Variants in FLRT1 observed in about 807,000 individuals in gnomAD.
The protein encoded by FLRT1 is leucine-rich repeat transmembrane protein FLRT1.
In FLRT1, 14 loss-of-function variants were observed where a neutral mutation model predicts 30.9. That is an observed-to-expected ratio of 0.45 (90% CI 0.30 to 0.71). FLRT1 has a LOEUF of 0.71. FLRT1 is among the 30% of genes least tolerant of loss of function. The probability of loss-of-function intolerance (pLI) is 0.08; values close to 1 mark genes in which losing one functional copy is unlikely to be tolerated. For missense variants in FLRT1, 737 were observed against 949.2 expected (o/e 0.78, Z 2.94); for synonymous variants, 368 against 430.4 (o/e 0.85, Z 1.80).
chr11:64,110,110 G>A (rs1398482528), intron 2 of FLRT1, among the ~76,000 whole-genome samples: 1 of 152,112 alleles, frequency 6.6e-6, no homozygotes, highest in African/African-American at 2.4e-5. Flanking sequence ...CACATTTATA[G>A]ATGAGGAAAT....
intron 1 of FLRT1, among the ~76,000 whole-genome samples, chr11:64,085,880 G>A (rs1944384889): frequency 6.6e-6 from 1 of 152,212 alleles, no homozygotes; most frequent in Non-Finnish European, 1.5e-5. Flanking sequence ...CCTGGGGGGT[G>A]AGGAAAGGGG....
At chr11:64,091,581 C>A (rs975875436) in intron 1 of FLRT1, among the ~76,000 whole-genome samples, 1 of 152,064 alleles carries the variant, frequency 6.6e-6, no homozygotes, top group Non-Finnish European at 1.5e-5. Flanking sequence ...GTTTGCACAG[C>A]ACCTCCTGGA....
At chr11:64,044,203 T>C (rs1590830869) in intron 1 of FLRT1, among the ~76,000 whole-genome samples, 1 of 151,960 alleles carries the variant, frequency 6.6e-6, no homozygotes, top group African/African-American at 2.4e-5. Context: ...TAGCTGACAT[T>C]TATATCACAC....
At chr11:64,101,341 G>A (rs531524341) in intron 1 of FLRT1, among the ~76,000 whole-genome samples, 2 of 152,300 alleles carry the variant, frequency 1.3e-5, no homozygotes, top group Admixed American at 6.5e-5. Flanking sequence ...AAGCCGAGAA[G>A]CTATGGGAAG....
chr11:64,092,267 G>C (rs140335697), intron 1 of FLRT1, among the ~76,000 whole-genome samples: 44 of 152,298 alleles, frequency 2.9e-4, no homozygotes, highest in South Asian at 1.7e-3. Flanking sequence ...AATTAAACAC[G>C]GATGGTTTCA....
chr11:64,051,120 C>A (rs1334011422), intron 1 of FLRT1, among the ~76,000 whole-genome samples: 1 of 152,202 alleles, frequency 6.6e-6, no homozygotes, highest in Non-Finnish European at 1.5e-5. Flanking sequence ...GGGTGCAGCC[C>A]CCAAAGCCCC....
At chr11:64,053,279 A>G (rs1196661528) in intron 1 of FLRT1, among the ~76,000 whole-genome samples, 2 of 152,138 alleles carry the variant, frequency 1.3e-5, no homozygotes, top group African/African-American at 2.4e-5. Flanking sequence ...GTTAGGAGGT[A>G]GTTTTCCTGG....
chr11:64,078,393 T>C (rs1944242597), intron 1 of FLRT1, among the ~76,000 whole-genome samples: 1 of 152,238 alleles, frequency 6.6e-6, no homozygotes, highest in Non-Finnish European at 1.5e-5. Flanking sequence ...GCTGAACGGC[T>C]GCAGAATTAC....
intron 2 of FLRT1, among the ~76,000 whole-genome samples, chr11:64,111,638 G>A (rs1193304347): frequency 6.6e-6 from 1 of 152,182 alleles, no homozygotes; most frequent in East Asian, 1.9e-4. Context: ...GGCAACCTCT[G>A]CACCCTTGCC....
rs1452971699 is a variant in FLRT1 at position 64,064,871 on chromosome 11, T to C, written c.-1038+28712T>C. Among the ~76,000 whole-genome samples the C allele has an allele frequency of 6.6e-6, 1 of 151,858 alleles. No homozygotes were observed. Among genetic ancestry groups the C allele is most frequent in the Non-Finnish European group, 1.5e-5 (1 of 67,984 alleles). ...ATTCATTCATTCATTCATTCATTCA[T>C]TCATTTGATGAGTGCTTCCAGAGCC... On this transcript the variant is annotated intron_variant, in intron 1 of 2. Coordinates refer to ENST00000682287, the MANE Select transcript of FLRT1 (RefSeq NM_013280.5). This position sits in a 1 kb window ranked among gnomAD's most constrained non-coding sequence, Gnocchi z 4.5.
At chr11:64,065,178 C>T (rs1417822960) in intron 1 of FLRT1, among the ~76,000 whole-genome samples, 1 of 152,172 alleles carries the variant, frequency 6.6e-6, no homozygotes, top group Non-Finnish European at 1.5e-5. Flanking sequence ...GGGTGCAGGA[C>T]AGAGTTTCAG....
At position 64,117,119 on chromosome 11, in the gene FLRT1, C is replaced by A; in HGVS notation, c.852C>A (p.His284Gln). 1 of 1,610,598 alleles carries A rather than the reference C, an allele frequency of 6.2e-7. No homozygotes were observed. The highest frequency in any genetic ancestry group is 8.5e-7 in the Non-Finnish European group (1 of 1,178,402). Residue 284 changes from histidine to glutamine, a missense_variant, in exon 3 of 3, where the codon CAC becomes CAA. Physicochemically the swap from His to Gln is conservative, Grantham distance 24. Transcript: ENST00000682287. ...ACCTGCAGGACAATGCCATCAGCCA[C>A]ATCCCCTACAACACGCTGGCCAAGA... ...KLYLQDNAISHIPYNTLAKMR... is the reference protein window; with the variant it reads ...KLYLQDNAISQIPYNTLAKMR...
Position 64,081,408 on chromosome 11 carries a change from A to G in FLRT1, c.-1037-21786A>G, listed in dbSNP as rs60640761. Among the ~76,000 whole-genome samples the G allele has an allele frequency of 4.6e-3, 708 of 152,316 alleles. 22 individuals carry two copies. The East Asian group carries it at 0.066, about 14-fold the overall frequency. On this transcript the variant is annotated intron_variant, in intron 1 of 2. Coordinates refer to ENST00000682287, the MANE Select transcript of FLRT1 (RefSeq NM_013280.5). Reference sequence around the variant, plus strand: ...TGGGCGTGCTCAGGGACGTTACAACAGCACTGTGGTCCTGGGACCTGTCCC... The same window carrying G: ...TGGGCGTGCTCAGGGACGTTACAACGGCACTGTGGTCCTGGGACCTGTCCC...
chr11:64,094,484 G>A (rs544473438), intron 1 of FLRT1, among the ~76,000 whole-genome samples: 26 of 152,048 alleles, frequency 1.7e-4, no homozygotes, highest in African/African-American at 6.3e-4. Flanking sequence ...GGACAAGGAA[G>A]GGTCAGGGAA....
chr11:64,051,815 C>T (rs537794263), intron 1 of FLRT1, among the ~76,000 whole-genome samples: 6 of 152,168 alleles, frequency 3.9e-5, no homozygotes, highest in African/African-American at 1.4e-4. Flanking sequence ...CTGTCCACCC[C>T]CAGGGACCTC....
At chr11:64,115,673 C>T (rs1314514431) in intron 2 of FLRT1, among the ~76,000 whole-genome samples, 1 of 152,254 alleles carries the variant, frequency 6.6e-6, no homozygotes, top group Non-Finnish European at 1.5e-5. Context: ...CGACGCCCCC[C>T]TTTTGAGCTC....
In FLRT1 at chr11:64,047,047, C is replaced by T. The variant is rs560822544; in HGVS notation, c.-1038+10888C>T. Among the ~76,000 whole-genome samples, 4 of 152,308 alleles carry T rather than the reference C, an allele frequency of 2.6e-5. No individual in the cohort carries two copies. In the South Asian group the frequency reaches 6.2e-4, roughly 24 times the overall value. ...GCACCAGCCTCGCCCCAGTGCCCCCCCCGGCTAGCATGCTCACACCTCTGA... is the reference window on the plus strand; with the variant it reads ...GCACCAGCCTCGCCCCAGTGCCCCCTCCGGCTAGCATGCTCACACCTCTGA... On this transcript the variant is annotated intron_variant, in intron 1 of 2. Coordinates refer to ENST00000682287, the MANE Select transcript of FLRT1 (RefSeq NM_013280.5).
At chr11:64,065,959 G>C (rs1943998123) in intron 1 of FLRT1, among the ~76,000 whole-genome samples, 1 of 152,026 alleles carries the variant, frequency 6.6e-6, no homozygotes, top group African/African-American at 2.4e-5. Flanking sequence ...GTGACCTTTG[G>C]ATGAGTCTTG....
rs577685206 is a variant in FLRT1 at position 64,100,571 on chromosome 11, C to T, written c.-1037-2623C>T. Among the ~76,000 whole-genome samples, 8 of 152,262 alleles carry T rather than the reference C, an allele frequency of 5.3e-5. No homozygotes were observed. In the South Asian group the frequency reaches 6.2e-4, roughly 12 times the overall value. ...GCCACTGGGGGTGCTGTGGCTCTGG[C>T]GGGAGGTGTCTGCCAGGCGCACGCA... On this transcript the variant is annotated intron_variant, in intron 1 of 2. Coordinates refer to ENST00000682287, the MANE Select transcript of FLRT1 (RefSeq NM_013280.5).
Sources: allele counts gnomAD v4.1 joint callset (sites outside exome capture counted in the v4.1 genomes callset), GRCh38; gene constraint gnomAD v4.1.1; non-coding constraint Gnocchi (gnomAD v3.1); transcripts MANE v1.5; gene names NCBI Gene and HGNC (gene_info 2026-07-23, HGNC 2026-07-21).